Variants in CCDC13 observed in about 807,000 individuals in gnomAD.
CCDC13 encodes the protein coiled-coil domain containing 13, also known as coiled-coil domain-containing protein 13.
In CCDC13, 70 loss-of-function variants were observed where a neutral mutation model predicts 87.3. The observed-to-expected ratio is 0.80, with a 90% CI of 0.66 to 0.98. The LOEUF (loss-of-function observed/expected upper bound fraction) is 0.98. CCDC13 is among the 50% of genes least tolerant of loss of function. The pLI, the probability that CCDC13 is intolerant of heterozygous loss-of-function variation, is 0.00. For synonymous variants in CCDC13, 317 were observed against 360.3 expected (o/e 0.88, Z 1.36); for missense variants, 842 against 892.0 (o/e 0.94, Z 0.71).
intron 9 of CCDC13, among the ~76,000 whole-genome samples, chr3:42,736,317 C>G (rs1378211725): frequency 6.6e-6 from 1 of 152,146 alleles, no homozygotes; most frequent in Non-Finnish European, 1.5e-5. Flanking sequence ...CTGACTGAAG[C>G]CTCATCCCAA....
intron 5 of CCDC13, chr3:42,749,780 GC>G (rs1699523845): frequency 2.3e-5 from 10 of 431,926 alleles, no homozygotes; most frequent in South Asian, 1.6e-4. Context: ...TAACTAAAGC[GC>G]AGTACATGGG....
chr3:42,744,327 T>G (rs1220968312), intron 7 of CCDC13, among the ~76,000 whole-genome samples: 1 of 152,094 alleles, frequency 6.6e-6, no homozygotes, highest in Non-Finnish European at 1.5e-5. Flanking sequence ...TGACCCTGGT[T>G]TCCCTATCAA....
Position 42,744,127 on chromosome 3 carries a change from T to G in CCDC13, c.826-1070A>C, listed in dbSNP as rs116092963. 2.0e-3 allele frequency among the ~76,000 whole-genome samples: 300 copies of G among 152,176 alleles called. 2 individuals carry two copies. The highest frequency in any genetic ancestry group is 6.9e-3 in the African/African-American group (285 of 41,542). ...AGCGGAAGGGACATGGAATCTGCAT[T>G]TTAAATGCTACAGGTTATTTTTAGG... On this transcript the variant is annotated intron_variant, in intron 7 of 15. Coordinates refer to ENST00000310232, the MANE Select transcript of CCDC13 (RefSeq NM_144719.4).
chr3:42,765,541 G>A (rs1699911119), intron 1 of CCDC13, among the ~76,000 whole-genome samples: 1 of 152,186 alleles, frequency 6.6e-6, no homozygotes, highest in South Asian at 2.1e-4. Flanking sequence ...GAGTAGCTGG[G>A]ACTACAGGCA....
chr3:42,713,209 G>T lies in CCDC13; in HGVS notation c.1826C>A (p.Pro609Gln), dbSNP rs1698354066. The T allele has an allele frequency of 6.2e-7, 1 of 1,614,094 alleles. No homozygotes were observed. ...EQHLEKIRLE[P>Q]GKASASQRAA... ...TCTCTGGGAGGCTGATGCCTTCCCT[G>T]GCTCCAGGCGTATCTTCTCCAGATG... The change falls in exon 14 of 16, where the codon CCA becomes CAA. Residue 609 changes from proline to glutamine, a missense_variant. Physicochemically the swap from Pro to Gln is moderately conservative, Grantham distance 76 (BLOSUM62 -1). Transcript: ENST00000310232.
chr3:42,732,301 C>T (rs1466310270), intron 12 of CCDC13, among the ~76,000 whole-genome samples: 1 of 152,120 alleles, frequency 6.6e-6, no homozygotes, highest in Admixed American at 6.6e-5. Context: ...GGGACTGGGG[C>T]CACTTGGAGG....
chr3:42,771,844 A>T (rs1202474036), intron 1 of CCDC13, among the ~76,000 whole-genome samples: 5 of 152,258 alleles, frequency 3.3e-5, no homozygotes. Flanking sequence ...AGTTGTATCA[A>T]TGATAACAAA....
At chr3:42,729,487 AACT>A (rs1421084534) in intron 13 of CCDC13, among the ~76,000 whole-genome samples, 1 of 152,118 alleles carries the variant, frequency 6.6e-6, no homozygotes, top group African/African-American at 2.4e-5. Context: ...CCCTTTGGCA[AACT>A]ACCTTTCCTG....
At chr3:42,749,995 TCAGGAGATGC>T (rs1300010882) in intron 5 of CCDC13, 4 of 454,902 alleles carry the variant, frequency 8.8e-6, no homozygotes, top group Admixed American at 2.4e-5. Context: ...CTCGCTCTGA[TCAGGAGATGC>T]CAGGGAGAAC....
rs17074764 is a variant in CCDC13 at position 42,710,536 on chromosome 3, A to G, written c.1874-738T>C. On this transcript the variant is annotated intron_variant, in intron 14 of 15. Coordinates refer to ENST00000310232, the MANE Select transcript of CCDC13 (RefSeq NM_144719.4). ...AGGGTCCTGGAGTTGAAGGGTACAG[A>G]ATGTTCACAAAAAGGAGACAAAGTG... is the stretch of plus-strand genomic sequence containing the variant. 5.2e-3 allele frequency among the ~76,000 whole-genome samples: 796 copies of G among 152,274 alleles called. 9 individuals are homozygous for G. The highest frequency in any genetic ancestry group is 0.018 in the African/African-American group (749 of 41,528).
chr3:42,771,626 G>GTGCCTGTGTTCC (rs1700111819), intron 1 of CCDC13, among the ~76,000 whole-genome samples: 1 of 152,168 alleles, frequency 6.6e-6, no homozygotes, highest in Non-Finnish European at 1.5e-5. Context: ...ATGGTGGCAT[G>GTGCCTGTGTTCC]TGCCTGTGTT....
intron 3 of CCDC13, among the ~76,000 whole-genome samples, chr3:42,755,863 G>A (rs189878529): frequency 6.6e-6 from 1 of 152,304 alleles, no homozygotes; most frequent in South Asian, 2.1e-4. Context: ...GGGTGGAGAT[G>A]TATCTCCTGC....
chr3:42,758,060 G>GGTACACAC (rs1219189229), intron 2 of CCDC13, 65 bp downstream of exon 2: 20 of 825,882 alleles, frequency 2.4e-5, no homozygotes, highest in Non-Finnish European at 3.5e-5. Context: ...TAGCTCCGGT[G>GGTACACAC]GTACACACAC....
At chr3:42,734,113 C>T (rs969934221) in intron 10 of CCDC13, among the ~76,000 whole-genome samples, 39 of 152,204 alleles carry the variant, frequency 2.6e-4, no homozygotes, top group African/African-American at 7.9e-4. Flanking sequence ...CCTCCCTCAA[C>T]CCCTTCCTCT....
intron 13 of CCDC13, among the ~76,000 whole-genome samples, chr3:42,728,264 C>T (rs1488546198): frequency 1.3e-5 from 2 of 152,106 alleles, no homozygotes; most frequent in Non-Finnish European, 2.9e-5. Context: ...GGGGCAGCCA[C>T]GCAGAGCACC....
At chr3:42,747,593 A>G (rs1699449195) in intron 5 of CCDC13, among the ~76,000 whole-genome samples, 1 of 152,198 alleles carries the variant, frequency 6.6e-6, no homozygotes, top group Admixed American at 6.5e-5. Flanking sequence ...TACTTGAGCT[A>G]CCTGGTTAAT....
intron 1 of CCDC13, chr3:42,771,200 G>A (rs182290186): frequency 2.2e-4 from 34 of 152,270 alleles, no homozygotes; most frequent in African/African-American, 5.5e-4. Flanking sequence ...TGAAGAAGCC[G>A]GTCTGAAAAG....
At chr3:42,766,130 G>C (rs1266956761) in intron 1 of CCDC13, among the ~76,000 whole-genome samples, 3 of 152,176 alleles carry the variant, frequency 2.0e-5, no homozygotes, top group Non-Finnish European at 2.9e-5. Context: ...GAGAAACCTA[G>C]GCGGTTTGGG....
intron 13 of CCDC13, among the ~76,000 whole-genome samples, chr3:42,715,315 A>C (rs1412378110): frequency 6.6e-6 from 1 of 151,882 alleles, no homozygotes; most frequent in Non-Finnish European, 1.5e-5. Flanking sequence ...GTCTCAAAAA[A>C]AAAAAAAAAA....
Sources: gnomAD v4.1 joint callset for allele counts (sites outside exome capture counted in the v4.1 genomes callset) on GRCh38, gnomAD v4.1.1 for gene constraint, MANE v1.5 for transcripts, NCBI Gene and HGNC (gene_info 2026-07-23, HGNC 2026-07-21) for gene names.